Variants in ORC1 observed in about 807,000 individuals in gnomAD.
ORC1 encodes the protein origin recognition complex subunit 1.
A neutral mutation model predicts 98.9 loss-of-function variants in ORC1; 61 were observed. That is an observed-to-expected ratio of 0.62 (90% confidence interval 0.50 to 0.76). The LOEUF (loss-of-function observed/expected upper bound fraction) is 0.76. ORC1 is among the 30% of genes least tolerant of loss of function. The pLI, the probability that ORC1 is intolerant of heterozygous loss-of-function variation, is 0.00. For missense variants in ORC1, 979 were observed against 1,072.2 expected (o/e 0.91, Z 1.21); for synonymous variants, 385 against 406.9 (o/e 0.95, Z 0.65).
chr1:52,384,849 T>C (rs1207621426), intron 10 of ORC1, 128 bp from the exon 11 acceptor site: 3 of 820,476 alleles, frequency 3.7e-6, no homozygotes, highest in Admixed American at 4.0e-5. Flanking sequence ...GTGGGGGCAG[T>C]AGGGACCATC....
chr1:52,379,241 ATTTTTT>A, intron 14 of ORC1, among the ~76,000 whole-genome samples: 1 of 125,610 alleles, frequency 8.0e-6, no homozygotes, highest in South Asian at 2.5e-4. Flanking sequence ...AAAGTAGGGT[ATTTTTT>A]TTTTTTTTTT....
intron 6 of ORC1, among the ~76,000 whole-genome samples, chr1:52,391,916 TA>T (rs1157882344): frequency 8.1e-4 from 99 of 122,216 alleles, no homozygotes; most frequent in Admixed American, 1.1e-3. Flanking sequence ...AAACAAAAGG[TA>T]AAAAAAAAAA....
intron 14 of ORC1, among the ~76,000 whole-genome samples, chr1:52,377,005 CAA>C (rs958571832): frequency 6.6e-5 from 10 of 152,056 alleles, no homozygotes; most frequent in African/African-American, 2.4e-4. Context: ...TGGGCACACA[CAA>C]AAAACTTGGG....
In ORC1 at chr1:52,396,358, G is replaced by A; in HGVS notation, c.409C>T (p.Pro137Ser). ...GGTACCACATCCTTTGGGGCTAAAG[G>A]TATCACCTGAATTTAGGAAGTATAG... is the stretch of plus-strand genomic sequence containing the variant. ...ETIIGLVRVIPLAPKDVVPTN... is the reference protein window; with the variant it reads ...ETIIGLVRVISLAPKDVVPTN... Residue 137 changes from proline (P) to serine (S), a missense_variant, in exon 5 of 17, where the codon CCT becomes TCT. Physicochemically the swap from Pro to Ser is moderately conservative, Grantham distance 74 (BLOSUM62 -1). Transcript: ENST00000371568. The A allele has an allele frequency of 1.2e-6, 2 of 1,614,060 alleles. No individual in the cohort carries two copies. The highest frequency in any genetic ancestry group is 1.1e-5 in the South Asian group (1 of 91,070).
At chr1:52,385,323 T>G in intron 9 of ORC1, 61 bp from the exon 10 acceptor site, 1 of 1,038,540 alleles carries the variant, frequency 9.6e-7, no homozygotes, top group Non-Finnish European at 1.5e-6. Flanking sequence ...AACCATCTAC[T>G]CATTAATCAA....
chr1:52,385,097 C>G (rs1295631149), intron 10 of ORC1, 64 bp downstream of exon 10: 6 of 1,011,506 alleles, frequency 5.9e-6, no homozygotes, highest in Non-Finnish European at 9.5e-6. Flanking sequence ...ACTGTAACAC[C>G]CAAGGCATTC....
chr1:52,401,305 C>T, intron 3 of ORC1, 57 bp downstream of exon 3: 1 of 1,608,352 alleles, frequency 6.2e-7, no homozygotes, highest in Non-Finnish European at 8.5e-7. Flanking sequence ...CCACAATCTC[C>T]CCACCTCCCA....
upstream of ORC1, among the ~76,000 whole-genome samples, chr1:52,405,376 G>A (rs1035556738): frequency 5.9e-5 from 9 of 152,206 alleles, no homozygotes; most frequent in Non-Finnish European, 1.5e-5. Context: ...TGGACCTTGA[G>A]CAAGTCACTT....
chr1:52,395,895 T>C, intron 5 of ORC1, 151 bp downstream of exon 5: 1 of 1,347,872 alleles, frequency 7.4e-7, no homozygotes. Context: ...CTGGGGAGGC[T>C]GAGGCAGAAG....
intron 1 of ORC1, 103 bp from the exon 2 acceptor site, chr1:52,402,331 T>A (rs1647752862): frequency 3.6e-6 from 3 of 838,706 alleles, no homozygotes; most frequent in Non-Finnish European, 6.1e-6. Context: ...AGATCAGACT[T>A]ATTTTCTGCC....
intron 8 of ORC1, 118 bp downstream of exon 8, chr1:52,388,324 T>C (rs1399786364): frequency 1.1e-6 from 1 of 872,006 alleles, no homozygotes; most frequent in African/African-American, 1.6e-5. Context: ...AGAATAGCAT[T>C]GAATATAACA....
rs759096505 is a variant in ORC1 at position 52,393,829 on chromosome 1, A to G, written c.722-26T>C. ...CTAAGAGAAATCATCACAATGTGTA[A>G]ATTTTTTACCTAACAATATACAAAC... is the stretch of plus-strand genomic sequence containing the variant. On this transcript the variant is annotated intron_variant, in intron 5 of 16. Transcript: ENST00000371568. The G allele has an allele frequency of 2.5e-6, 4 of 1,607,864 alleles. No individual in the cohort carries two copies. The South Asian group carries it at 4.4e-5, about 18-fold the overall frequency.
At chr1:52,404,662 C>T (rs1245873392), upstream of ORC1, 1 of 1,458,160 alleles carries the variant, frequency 6.9e-7, no homozygotes, top group Admixed American at 2.1e-5. Flanking sequence ...ACTTCTTCCA[C>T]CTTTCTCCAT....
At chr1:52,381,993 CTT>C (rs775268743) in intron 13 of ORC1, among the ~76,000 whole-genome samples, 1 of 149,906 alleles carries the variant, frequency 6.7e-6, no homozygotes, top group Non-Finnish European at 1.5e-5. Context: ...CTTTTTTTTT[CTT>C]TGAGACGGAG....
intron 14 of ORC1, among the ~76,000 whole-genome samples, chr1:52,378,344 C>CA (rs57755980): frequency 0.21 from 26,646 of 128,786 alleles, 6,774 homozygotes; most frequent in African/African-American, 0.6. Flanking sequence ...GACTCCCTCT[C>CA]AAAAAAAAAA....
chr1:52,404,572 G>T (rs1245271738), upstream of ORC1: 4 of 576,684 alleles, frequency 6.9e-6, no homozygotes, highest in African/African-American at 5.7e-5. Context: ...TCATTGATTC[G>T]ATAGGCGACG....
At position 52,384,566 on chromosome 1, in the gene ORC1, T is replaced by C. The variant is rs775474003; in HGVS notation, c.1739A>G (p.Tyr580Cys). 7.4e-6 allele frequency: 12 copies of C among 1,614,026 alleles called. No homozygotes were observed. The African/African-American group carries it at 9.3e-5, about 13-fold the overall frequency. ...GMKLTEPHQV[Y>C]VQILQKLTGQ... ...TCTGCTTACCTGCAAGATTTGCACA[T>C]AGACTTGGTGGGGCTCCGTCAGCTT... Residue 580 changes from tyrosine (Y) to cysteine (C), a missense_variant, in exon 11 of 17, where the codon TAT becomes TGT. Physicochemically the swap from Tyr to Cys is radical, Grantham distance 194. Coordinates refer to ENST00000371568, the MANE Select transcript of ORC1 (RefSeq NM_004153.4).
At chr1:52,404,682 T>C (rs1321397650), upstream of ORC1, 1 of 1,547,508 alleles carries the variant, frequency 6.5e-7, no homozygotes, top group African/African-American at 1.4e-5. Context: ...TTCCTCTAGG[T>C]GCTTTTTCTG....
At chr1:52,387,296 C>T (rs765152200) in intron 8 of ORC1, among the ~76,000 whole-genome samples, 2 of 152,128 alleles carry the variant, frequency 1.3e-5, no homozygotes, top group South Asian at 4.1e-4. Context: ...AGGTTGCACA[C>T]TCCTTATGAG....
Sources: allele counts gnomAD v4.1 joint callset (sites outside exome capture counted in the v4.1 genomes callset), GRCh38; gene constraint gnomAD v4.1.1; transcripts MANE v1.5; gene names NCBI Gene and HGNC (gene_info 2026-07-23, HGNC 2026-07-21).